The following ADAMTS18 variants were observed in gnomAD, a reference collection of about 807,000 sequenced individuals.
ADAMTS18 encodes the protein ADAM metallopeptidase with thrombospondin type 1 motif 18.
A neutral mutation model predicts 165.9 loss-of-function variants in ADAMTS18; 157 were observed. The observed-to-expected ratio is 0.95, with a 90% CI of 0.83 to 1.08. The LOEUF (loss-of-function observed/expected upper bound fraction) is 1.08, where lower values mean the gene tolerates loss of function less well. ADAMTS18 is among the 50% of genes least tolerant of loss of function. The pLI is 0.00. For missense variants in ADAMTS18, 2,040 were observed against 1,534.0 expected, an observed-to-expected ratio of 1.33 and a Z score of -5.51; for synonymous variants, 782 against 578.2, an observed-to-expected ratio of 1.35 and a Z score of -5.06.
intron 22 of ADAMTS18, among the ~76,000 whole-genome samples, chr16:77,288,002 AAGATCG>A (rs1409988447): frequency 6.6e-6 from 1 of 152,176 alleles, no homozygotes; most frequent in Admixed American, 6.5e-5. Context: ...GGCTTTGAAC[AAGATCG>A]AGGACCTCAC....
In ADAMTS18 at chr16:77,355,841, C is replaced by T. The variant is rs1359264739; in HGVS notation, c.1460+99G>A. 1.3e-5 allele frequency: 18 copies of T among 1,417,706 alleles called. 1 individual carries two copies. The highest frequency in any genetic ancestry group is 1.5e-5 in the Non-Finnish European group (15 of 1,005,368). 87.8% of individuals were successfully genotyped at this position (1,417,706 alleles called of 1,614,324 possible). ...TTTGTCTTTCTGTTTATTGACAGGTCAAAAGGTATTTCCACTGAGTATTCG... is the reference window on the plus strand; with the variant it reads ...TTTGTCTTTCTGTTTATTGACAGGTTAAAAGGTATTTCCACTGAGTATTCG... On this transcript the variant is annotated intron_variant, in intron 9 of 22. Transcript: ENST00000282849.
chr16:77,406,778 A>G (rs2144819770), intron 3 of ADAMTS18, among the ~76,000 whole-genome samples: 1 of 152,006 alleles, frequency 6.6e-6, no homozygotes, highest in Non-Finnish European at 1.5e-5. Context: ...AAAAAAGAAT[A>G]TCATTTTTTT....
intron 3 of ADAMTS18, among the ~76,000 whole-genome samples, chr16:77,396,836 T>G (rs1456009320): frequency 1.3e-5 from 2 of 151,054 alleles, no homozygotes; most frequent in Non-Finnish European, 2.9e-5. Context: ...AGACACAGTC[T>G]CACCCTGTCT....
At position 77,363,816 on chromosome 16, in the gene ADAMTS18, G is replaced by A; in HGVS notation, c.1042C>T (p.Leu348=). 6.2e-7 allele frequency: 1 copy of A among 1,613,946 alleles called. No homozygotes were observed. Among genetic ancestry groups the A allele is most frequent in the Non-Finnish European group, 8.5e-7 (1 of 1,179,938 alleles). ...INVVVVSLIL[L]EQEPGGLLIN... ...TTGCCACTTACAGGTTCTTGTTCCA[G>A]AAGAATTAGGCTCACCACAACCACG... The change falls in exon 6 of 23, where the codon CTG becomes TTG. Residue 348 remains leucine, a synonymous_variant. Transcript: ENST00000282849.
At chr16:77,426,962 C>T (rs1477317968) in intron 3 of ADAMTS18, among the ~76,000 whole-genome samples, 1 of 152,098 alleles carries the variant, frequency 6.6e-6, no homozygotes, top group East Asian at 1.9e-4. Context: ...TCCAGTGAGC[C>T]ATGATTATAC....
At chr16:77,322,612 T>A in intron 13 of ADAMTS18, 146 bp from the exon 14 acceptor site, 1 of 993,838 alleles carries the variant, frequency 1.0e-6, no homozygotes, top group Non-Finnish European at 1.5e-6. Context: ...TAAGCCCATA[T>A]GATGTGGCTT....
intron 16 of ADAMTS18, among the ~76,000 whole-genome samples, chr16:77,315,198 T>C (rs1378106770): frequency 1.3e-5 from 2 of 152,128 alleles, no homozygotes; most frequent in African/African-American, 4.8e-5. Flanking sequence ...TCCTTTGACA[T>C]TATGGAAAAT....
At chr16:77,412,401 G>T (rs1001065219) in intron 3 of ADAMTS18, among the ~76,000 whole-genome samples, 5 of 151,824 alleles carry the variant, frequency 3.3e-5, no homozygotes, top group Admixed American at 3.3e-4. Context: ...TCATACTCAC[G>T]GCAGCCTGCA....
At chr16:77,423,308 C>A (rs751224358) in intron 3 of ADAMTS18, among the ~76,000 whole-genome samples, 28 of 152,090 alleles carry the variant, frequency 1.8e-4, no homozygotes, top group Non-Finnish European at 3.7e-4. Context: ...AAACTCTTTT[C>A]TGCCTGTGGA....
At chr16:77,379,504 T>C (rs2057001400) in intron 3 of ADAMTS18, among the ~76,000 whole-genome samples, 1 of 152,200 alleles carries the variant, frequency 6.6e-6, no homozygotes, top group African/African-American at 2.4e-5. Flanking sequence ...TTATTTATTT[T>C]TTGAGACAAA....
chr16:77,336,802 A>G (rs2056317858), intron 11 of ADAMTS18, among the ~76,000 whole-genome samples: 1 of 151,872 alleles, frequency 6.6e-6, no homozygotes, highest in Non-Finnish European at 1.5e-5. Context: ...TTTGTTGCCT[A>G]CCCCCAATCC....
rs763143891 is a variant in ADAMTS18 at position 77,364,296 on chromosome 16, T to C, written c.864A>G (p.Lys288=). 1 of 1,614,008 alleles carries C rather than the reference T, an allele frequency of 6.2e-7. No homozygotes were observed. Among genetic ancestry groups the C allele is most frequent in the South Asian group, 1.1e-5 (1 of 91,074 alleles). ...TTTCCACATTGAGGCCCTTTTGTGA[T>C]TTTCCAGCTGATCTTCTGGGTCGCC... ...SSGRPRRSAG[K]SQKGLNVETL... Residue 288 remains lysine (K), a synonymous_variant, in exon 5 of 23, where the codon AAA becomes AAG. Coordinates refer to ENST00000282849, the MANE Select transcript of ADAMTS18 (RefSeq NM_199355.4).
chr16:77,430,001 G>A (rs76771545), intron 3 of ADAMTS18, among the ~76,000 whole-genome samples: 21 of 152,282 alleles, frequency 1.4e-4, no homozygotes, highest in Non-Finnish European at 2.8e-4. Flanking sequence ...AACCTGGGCA[G>A]ACTGCTTTCA....
rs760098320 is a variant in ADAMTS18 at position 77,294,990 on chromosome 16, G to T, written c.2939C>A (p.Pro980His). The T allele has an allele frequency of 9.4e-5, 152 of 1,613,976 alleles. No homozygotes were observed. The highest frequency in any genetic ancestry group is 1.2e-4 in the Non-Finnish European group (143 of 1,180,016). Reference sequence around the variant, plus strand: ...GCTGTTGCAGGCTTGGACCTGAGTGGGTGTGCTCACTGGACAGAGAGAATG... The same window carrying T: ...GCTGTTGCAGGCTTGGACCTGAGTGTGTGTGCTCACTGGACAGAGAGAATG... Reference protein sequence around the residue: ...VLHSLCPVSTPTQVQACNSHA... With the variant: ...VLHSLCPVSTHTQVQACNSHA... Residue 980 changes from proline to histidine, a missense_variant, in exon 19 of 23, where the codon CCC becomes CAC. Pro to His is a moderately conservative substitution (Grantham distance 77, BLOSUM62 -2). Coordinates refer to ENST00000282849, the MANE Select transcript of ADAMTS18 (RefSeq NM_199355.4).
rs752826778 is a variant in ADAMTS18 at position 77,300,288 on chromosome 16, T to A, written c.2649A>T (p.Ser883=). ...RPAYTWSIVQ[S]ECSVSCGGGY... ...CTCCACCACAGGAGACGGAGCACTCTGACTGCACGATACTCCAGGTATAGG... is the reference window on the plus strand; with the variant it reads ...CTCCACCACAGGAGACGGAGCACTCAGACTGCACGATACTCCAGGTATAGG... Residue 883 remains serine (S), a synonymous_variant, in exon 17 of 23, where the codon TCA becomes TCT. Transcript: ENST00000282849. 21 of 1,614,140 alleles carry A rather than the reference T, an allele frequency of 1.3e-5. No homozygotes were observed. In the East Asian group the frequency reaches 4.7e-4, roughly 36 times the overall value.
intron 16 of ADAMTS18, among the ~76,000 whole-genome samples, chr16:77,302,902 G>C (rs754969462): frequency 6.6e-6 from 1 of 152,114 alleles, no homozygotes; most frequent in East Asian, 1.9e-4. Context: ...TTAAGAAAAA[G>C]ACTGTGATGA....
intron 8 of ADAMTS18, among the ~76,000 whole-genome samples, chr16:77,356,374 C>G (rs1567508776): frequency 6.6e-6 from 1 of 152,092 alleles, no homozygotes; most frequent in Non-Finnish European, 1.5e-5. Context: ...TAGGTATAAG[C>G]TAAGCCAAAG....
In ADAMTS18 at chr16:77,321,100, G is replaced by A. The variant is rs1170026137; in HGVS notation, c.2266C>T (p.Leu756Phe). 6.2e-7 allele frequency: 1 copy of A among 1,614,162 alleles called. No homozygotes were observed. Among genetic ancestry groups the A allele is most frequent in the Admixed American group, 1.7e-5 (1 of 60,018 alleles). ...STCKFYKGLYLNQHKANEYYP... is the reference protein window; with the variant it reads ...STCKFYKGLYFNQHKANEYYP... Reference sequence around the variant, plus strand: ...TCACCATTTGCTTTATGCTGGTTGAGGTACAGGCCTTTATAAAACTTGCAA... The same window carrying A: ...TCACCATTTGCTTTATGCTGGTTGAAGTACAGGCCTTTATAAAACTTGCAA... The change falls in exon 15 of 23, where the codon CTC (leucine) becomes TTC (phenylalanine). Residue 756 changes from leucine (L) to phenylalanine (F), a missense_variant. By Grantham distance (22) the Leu-to-Phe change is conservative (BLOSUM62 0). Transcript: ENST00000282849.
chr16:77,318,418 C>T (rs1164941082), intron 16 of ADAMTS18, among the ~76,000 whole-genome samples: 1 of 152,166 alleles, frequency 6.6e-6, no homozygotes, highest in African/African-American at 2.4e-5. Flanking sequence ...ACGTTCAAAC[C>T]TCAGTCCTAC....
Sources: allele counts gnomAD v4.1 joint callset (sites outside exome capture counted in the v4.1 genomes callset), GRCh38; gene constraint gnomAD v4.1.1; transcripts MANE v1.5; gene names NCBI Gene and HGNC (gene_info 2026-07-23, HGNC 2026-07-21).